The following CDH13 variants were observed in gnomAD, a reference collection of about 807,000 sequenced individuals.
CDH13 encodes cadherin-13.
In CDH13, 24 loss-of-function variants were observed where a neutral mutation model predicts 63.8. The ratio of observed to expected loss-of-function variants is 0.38; its 90% CI spans 0.27 to 0.53. The LOEUF (loss-of-function observed/expected upper bound fraction) is 0.53. Ranked by LOEUF, CDH13 falls within the 20% of genes least tolerant of loss-of-function variation. CDH13 has a pLI of 0.85. For synonymous variants in CDH13, 503 were observed against 355.3 expected, an observed-to-expected ratio of 1.42 and a Z score of -4.67; for missense variants, 1,049 against 903.1, an observed-to-expected ratio of 1.16 and a Z score of -2.07.
At chr16:82,999,622 G>C (rs1194362599) in intron 2 of CDH13, among the ~76,000 whole-genome samples, 1 of 152,108 alleles carries the variant, frequency 6.6e-6, no homozygotes, top group African/African-American at 2.4e-5. Flanking sequence ...GCTGAAAATT[G>C]ATATCATTGG....
At position 82,845,180 on chromosome 16, in the gene CDH13, C is replaced by T. The variant is rs1178982774; in HGVS notation, c.46-13182C>T. The stretch of plus-strand genomic sequence containing the variant: ...GAATCCTTGAGCTCACTGCTGTAGA[C>T]AGCCAGGGGCCAGTGCACAGGGACC... On this transcript the variant is annotated intron_variant, in intron 1 of 13. Transcript: ENST00000567109. Among the ~76,000 whole-genome samples the T allele has an allele frequency of 2.6e-5, 4 of 152,136 alleles. No individual in the cohort carries two copies. In the East Asian group the frequency reaches 7.7e-4, roughly 29 times the overall value.
At chr16:83,507,301 T>G (rs2074423542) in intron 7 of CDH13, among the ~76,000 whole-genome samples, 1 of 152,248 alleles carries the variant, frequency 6.6e-6, no homozygotes, top group South Asian at 2.1e-4. Context: ...TTGTAATGTA[T>G]GCATTCTTCA....
intron 11 of CDH13, among the ~76,000 whole-genome samples, chr16:83,753,119 A>G (rs1913225462): frequency 6.6e-6 from 1 of 152,258 alleles, no homozygotes; most frequent in Non-Finnish European, 1.5e-5. Flanking sequence ...AAGGACTTAC[A>G]GCAAAAAGAA....
chr16:82,963,980 G>A (rs1271251427), intron 2 of CDH13, among the ~76,000 whole-genome samples: 10 of 152,178 alleles, frequency 6.6e-5, no homozygotes, highest in Admixed American at 6.5e-4. Flanking sequence ...ACACACCGCT[G>A]TTCACACAGG....
At chr16:83,479,528 A>T (rs1377206083) in intron 6 of CDH13, among the ~76,000 whole-genome samples, 2 of 152,092 alleles carry the variant, frequency 1.3e-5, no homozygotes, top group Non-Finnish European at 2.9e-5. Flanking sequence ...GTAGTGGCAG[A>T]CACCTGTAGT....
intron 1 of CDH13, among the ~76,000 whole-genome samples, chr16:82,735,157 G>C (rs1054806168): frequency 2.0e-5 from 3 of 152,178 alleles, no homozygotes; most frequent in Admixed American, 6.5e-5. Flanking sequence ...CAAGGGGAAA[G>C]GCTTCAAAGA....
chr16:83,500,377 T>C (rs71388390), intron 7 of CDH13, among the ~76,000 whole-genome samples: 248 of 572 alleles, frequency 0.43, 121 homozygotes, highest in East Asian at 1. Context: ...CCTTCTTCTT[T>C]CTTCTTCTTC....
intron 5 of CDH13, among the ~76,000 whole-genome samples, chr16:83,305,071 C>T (rs894464395): frequency 6.6e-6 from 1 of 152,116 alleles, no homozygotes; most frequent in South Asian, 2.1e-4. Flanking sequence ...CAATGTAAGC[C>T]CAGGTGAGAG....
chr16:83,094,525 T>A (rs1306656573), intron 3 of CDH13, among the ~76,000 whole-genome samples: 1 of 152,142 alleles, frequency 6.6e-6, no homozygotes, highest in Non-Finnish European at 1.5e-5. Flanking sequence ...CATTGACTAG[T>A]CATTGAATGT....
intron 7 of CDH13, among the ~76,000 whole-genome samples, chr16:83,593,093 C>G (rs763949931): frequency 6.6e-6 from 1 of 152,126 alleles, no homozygotes; most frequent in Non-Finnish European, 1.5e-5. Flanking sequence ...CAATCTTTTG[C>G]AATATTTATA....
intron 10 of CDH13, among the ~76,000 whole-genome samples, chr16:83,690,077 G>A (rs796474133): frequency 2.0e-5 from 3 of 152,258 alleles, no homozygotes; most frequent in African/African-American, 7.2e-5. Context: ...GGAGGCTGAG[G>A]CAGAAGAACC....
At chr16:82,751,092 C>T (rs142272932) in intron 1 of CDH13, among the ~76,000 whole-genome samples, 1 of 152,138 alleles carries the variant, frequency 6.6e-6, no homozygotes, top group East Asian at 1.9e-4. Flanking sequence ...ATCCAGTTCC[C>T]TATTTAATCA....
At chr16:83,459,411 C>T (rs972987993) in intron 6 of CDH13, among the ~76,000 whole-genome samples, 2 of 152,232 alleles carry the variant, frequency 1.3e-5, no homozygotes, top group Admixed American at 1.3e-4. Flanking sequence ...GCCTTAACCT[C>T]ACACTTCAGA....
chr16:83,747,182 T>C (rs1033064003), intron 10 of CDH13, among the ~76,000 whole-genome samples: 1 of 152,194 alleles, frequency 6.6e-6, no homozygotes, highest in African/African-American at 2.4e-5. Flanking sequence ...GTAACCTACA[T>C]CCTAATGAGT....
chr16:83,672,560 G>T (rs984551419), intron 9 of CDH13, among the ~76,000 whole-genome samples: 1 of 151,416 alleles, frequency 6.6e-6, no homozygotes, highest in East Asian at 1.9e-4. Flanking sequence ...GAGTAGCTGG[G>T]ATTACAGGTG....
At chr16:83,454,791 C>A (rs967445916) in intron 6 of CDH13, among the ~76,000 whole-genome samples, 6 of 152,086 alleles carry the variant, frequency 3.9e-5, no homozygotes, top group African/African-American at 1.2e-4. Flanking sequence ...ACTGCAACCT[C>A]CACCTCCCGG....
At chr16:83,190,099 G>A (rs773132718) in intron 4 of CDH13, among the ~76,000 whole-genome samples, 13 of 152,152 alleles carry the variant, frequency 8.5e-5, no homozygotes, top group African/African-American at 2.2e-4. Context: ...TATTAGCAGC[G>A]TGAGAACAGA....
Position 82,789,256 on chromosome 16 carries a change from C to G in CDH13, c.46-69106C>G, listed in dbSNP as rs182221575. ...AGAGAAGTCACGAAGAGTAGGTGTT[C>G]CTCAGGTTAATTACACAAAGAACTA... On this transcript the variant is annotated intron_variant, in intron 1 of 13. Transcript: ENST00000567109. 2.1e-3 allele frequency among the ~76,000 whole-genome samples: 316 copies of G among 152,254 alleles called. 1 individual carries two copies. The highest frequency in any genetic ancestry group is 2.0e-3 in the Non-Finnish European group (138 of 68,024).
At chr16:83,489,128 C>T (rs2073955973) in intron 7 of CDH13, among the ~76,000 whole-genome samples, 1 of 152,150 alleles carries the variant, frequency 6.6e-6, no homozygotes, top group Non-Finnish European at 1.5e-5. Flanking sequence ...TCCGTTTCAG[C>T]TTCTCTTTGT....
Sources: gnomAD v4.1 joint callset for allele counts (sites outside exome capture counted in the v4.1 genomes callset) on GRCh38, gnomAD v4.1.1 for gene constraint, MANE v1.5 for transcripts, NCBI Gene and HGNC (gene_info 2026-07-23, HGNC 2026-07-21) for gene names.